The following CA10 variants were observed in gnomAD, a reference collection of about 807,000 sequenced individuals.
CA10 encodes the protein carbonic anhydrase 10 (inactive).
A neutral mutation model predicts 44.2 loss-of-function variants in CA10; 14 were observed. The ratio of observed to expected loss-of-function variants is 0.32; its 90% CI spans 0.21 to 0.50. The LOEUF is 0.50. Ranked by LOEUF, CA10 falls within the 20% of genes least tolerant of loss-of-function variation. The pLI is 0.99. For missense variants in CA10, 350 were observed against 409.7 expected (o/e 0.85, Z 1.26); for synonymous variants, 159 against 141.6 (o/e 1.12, Z -0.87).
intron 2 of CA10, among the ~76,000 whole-genome samples, chr17:52,041,547 CATCT>C (rs1427213274): frequency 6.6e-6 from 1 of 152,084 alleles, no homozygotes; most frequent in African/African-American, 2.4e-5. Flanking sequence ...TTGATAAACA[CATCT>C]ATTATCTCAC....
chr17:51,876,197 CA>C (rs1980070289), intron 3 of CA10, among the ~76,000 whole-genome samples: 1 of 122,036 alleles, frequency 8.2e-6, no homozygotes, highest in Non-Finnish European at 1.6e-5. Flanking sequence ...AACAAGGTCT[CA>C]CCCTGTCACC....
chr17:51,787,348 T>A (rs1019878788), intron 3 of CA10, among the ~76,000 whole-genome samples: 9 of 152,234 alleles, frequency 5.9e-5, no homozygotes, highest in Non-Finnish European at 8.8e-5. Context: ...AATTTCTTCA[T>A]GATTCAATGT....
In CA10 at chr17:51,792,485, C is replaced by A. The variant is rs1053197760; in HGVS notation, c.280-44667G>T. On this transcript the variant is annotated intron_variant, in intron 3 of 8. Transcript: ENST00000451037. ...TCTGAATACCTACATTATGAAAAGGCAATTCAGTTAGATAGAAAGCAAAGA... is the reference window on the plus strand; with the variant it reads ...TCTGAATACCTACATTATGAAAAGGAAATTCAGTTAGATAGAAAGCAAAGA... Among the ~76,000 whole-genome samples, 4 of 152,152 alleles carry A rather than the reference C, an allele frequency of 2.6e-5. No homozygotes were observed. The South Asian group carries it at 8.3e-4, about 32-fold the overall frequency.
At chr17:51,767,577 T>C (rs1019628074) in intron 3 of CA10, among the ~76,000 whole-genome samples, 3 of 152,176 alleles carry the variant, frequency 2.0e-5, no homozygotes, top group African/African-American at 2.4e-5. Context: ...AGACTATTTT[T>C]CTAGGGATCT....
intron 8 of CA10, 144 bp downstream of exon 8, chr17:51,633,332 C>T (rs1305210873): frequency 1.2e-6 from 1 of 802,012 alleles, no homozygotes; most frequent in South Asian, 2.4e-5. Flanking sequence ...ACCTTCATCA[C>T]CATGCAAATG....
intron 2 of CA10, among the ~76,000 whole-genome samples, chr17:52,041,583 G>C (rs1308216287): frequency 6.6e-6 from 1 of 152,078 alleles, no homozygotes; most frequent in Admixed American, 6.6e-5. Flanking sequence ...TTGTGTGAAT[G>C]TGTGGTGATA....
intron 2 of CA10, among the ~76,000 whole-genome samples, chr17:51,979,851 G>A (rs772301337): frequency 1.3e-5 from 2 of 152,004 alleles, no homozygotes; most frequent in Non-Finnish European, 2.9e-5. Flanking sequence ...CAAAAGACAC[G>A]GTCCTGTTTT....
intron 2 of CA10, among the ~76,000 whole-genome samples, chr17:52,019,224 A>G (rs1435268711): frequency 6.6e-6 from 1 of 152,188 alleles, no homozygotes; most frequent in Non-Finnish European, 1.5e-5. Context: ...ACAAACACCA[A>G]GATTCAGACA....
intron 2 of CA10, among the ~76,000 whole-genome samples, chr17:51,952,796 A>G (rs1983534404): frequency 6.6e-6 from 1 of 152,142 alleles, no homozygotes; most frequent in South Asian, 2.1e-4. Flanking sequence ...TGCTTTCCAA[A>G]GCACACACTG....
intron 4 of CA10, among the ~76,000 whole-genome samples, chr17:51,692,372 T>G (rs1276994557): frequency 1.8e-5 from 1 of 56,856 alleles, no homozygotes; most frequent in Non-Finnish European, 3.3e-5. Context: ...CCATCCTATC[T>G]ATCTATCTAT....
intron 4 of CA10, among the ~76,000 whole-genome samples, chr17:51,744,185 C>A (rs1374738945): frequency 6.6e-6 from 1 of 151,888 alleles, no homozygotes. Context: ...TGTGGTGGTG[C>A]ACACCTGTAA....
At chr17:51,858,715 T>C (rs1023267578) in intron 3 of CA10, among the ~76,000 whole-genome samples, 2 of 152,182 alleles carry the variant, frequency 1.3e-5, no homozygotes, top group African/African-American at 4.8e-5. Context: ...TGCTGGAACA[T>C]TGTAAATTGT....
intron 3 of CA10, among the ~76,000 whole-genome samples, chr17:51,864,608 G>T (rs1415201577): frequency 6.6e-6 from 1 of 152,068 alleles, no homozygotes; most frequent in Non-Finnish European, 1.5e-5. Context: ...TTTTCAATGG[G>T]ATTTTACAGT....
chr17:52,081,367 G>A (rs1166858083), intron 1 of CA10, among the ~76,000 whole-genome samples: 3 of 152,168 alleles, frequency 2.0e-5, no homozygotes, highest in African/African-American at 2.4e-5. Context: ...AAAACTAAAA[G>A]TGGCCAATAG....
chr17:51,692,930 T>C (rs1915268649), intron 4 of CA10, among the ~76,000 whole-genome samples: 1 of 152,252 alleles, frequency 6.6e-6, no homozygotes, highest in Non-Finnish European at 1.5e-5. Flanking sequence ...CCACTGGTTT[T>C]GAATGGTCTT....
chr17:51,975,013 T>C (rs527644383), intron 2 of CA10, among the ~76,000 whole-genome samples: 1 of 152,268 alleles, frequency 6.6e-6, no homozygotes, highest in South Asian at 2.1e-4. Context: ...GTAAAATGTA[T>C]AGGTAAATAA....
rs555513084 is a variant in CA10 at position 51,955,982 on chromosome 17, C to T, written c.137-24850G>A. On this transcript the variant is annotated intron_variant, in intron 2 of 8. Transcript: ENST00000451037. ...CACATTCTGCACATGTGTCCCAGAA[C>T]TTAAAATAACAAAAAATCTGGACTA... is the stretch of plus-strand genomic sequence containing the variant. Among the ~76,000 whole-genome samples, 12 of 152,206 alleles carry T rather than the reference C, an allele frequency of 7.9e-5. No individual in the cohort carries two copies. In the South Asian group the frequency reaches 2.5e-3, roughly 32 times the overall value.
intron 1 of CA10, among the ~76,000 whole-genome samples, chr17:52,087,987 C>A (rs968514317): frequency 6.6e-6 from 1 of 152,048 alleles, no homozygotes; most frequent in Admixed American, 6.5e-5. Context: ...GACCAGAACA[C>A]CAAATACCAC....
intron 3 of CA10, among the ~76,000 whole-genome samples, chr17:51,830,107 G>T (rs1449974195): frequency 6.9e-6 from 1 of 144,720 alleles, no homozygotes; most frequent in Non-Finnish European, 1.5e-5. Context: ...TGATGCAGGA[G>T]AATCGCTTGA....
Sources: allele counts gnomAD v4.1 joint callset (sites outside exome capture counted in the v4.1 genomes callset), GRCh38; gene constraint gnomAD v4.1.1; transcripts MANE v1.5; gene names NCBI Gene and HGNC (gene_info 2026-07-23, HGNC 2026-07-21).